GRM7: variants seen among roughly 807,000 people sequenced by gnomAD.
The protein encoded by GRM7 is glutamate metabotropic receptor 7.
Under a neutral mutation model 84.5 loss-of-function variants are expected in GRM7, and 35 were observed. That is an observed-to-expected ratio of 0.41 (90% confidence interval 0.32 to 0.55). GRM7 has a LOEUF of 0.55. GRM7 is among the 20% of genes least tolerant of loss of function. The pLI is 0.19. For missense variants in GRM7, 1,003 were observed against 1,194.6 expected (o/e 0.84, Z 2.36); for synonymous variants, 487 against 455.1 (o/e 1.07, Z -0.89).
chr3:7,133,312 C>T (rs146034689), intron 1 of GRM7, among the ~76,000 whole-genome samples: 491 of 152,346 alleles, frequency 3.2e-3, no homozygotes, highest in Middle Eastern at 0.01. Flanking sequence ...GACAGACCTC[C>T]GGCCCAGTAG....
At chr3:7,675,940 T>A (rs1700104153) in intron 8 of GRM7, among the ~76,000 whole-genome samples, 1 of 152,212 alleles carries the variant, frequency 6.6e-6, no homozygotes, top group Admixed American at 6.5e-5. Flanking sequence ...ATTTTGATTT[T>A]ACAGTTCAGA....
intron 1 of GRM7, among the ~76,000 whole-genome samples, chr3:7,081,147 C>T (rs573460406): frequency 4.6e-5 from 7 of 152,006 alleles, no homozygotes; most frequent in African/African-American, 1.4e-4. Context: ...ACAGGCATAC[C>T]TTGTTTTATT....
intron 1 of GRM7, among the ~76,000 whole-genome samples, chr3:7,002,314 C>T (rs1444346163): frequency 6.6e-6 from 1 of 152,118 alleles, no homozygotes; most frequent in African/African-American, 2.4e-5. Flanking sequence ...TTGGGTTCCT[C>T]TACTAAAAAA....
chr3:7,457,442 T>A (rs1201152273), intron 6 of GRM7, among the ~76,000 whole-genome samples: 1 of 152,210 alleles, frequency 6.6e-6, no homozygotes, highest in Non-Finnish European at 1.5e-5. Flanking sequence ...CCATCAAATA[T>A]AAATTTAAGT....
intron 4 of GRM7, among the ~76,000 whole-genome samples, chr3:7,312,753 T>C (rs1403463135): frequency 3.3e-5 from 5 of 151,722 alleles, no homozygotes; most frequent in African/African-American, 1.2e-4. Flanking sequence ...CATAGAGATA[T>C]TTCCCTCCCT....
At chr3:7,135,057 A>C (rs1693728157) in intron 1 of GRM7, among the ~76,000 whole-genome samples, 1 of 152,168 alleles carries the variant, frequency 6.6e-6, no homozygotes, top group Non-Finnish European at 1.5e-5. Context: ...GAGTTGCAAT[A>C]ATTGATGATA....
At chr3:7,223,292 T>C (rs1332491241) in intron 2 of GRM7, among the ~76,000 whole-genome samples, 1 of 152,136 alleles carries the variant, frequency 6.6e-6, no homozygotes, top group Non-Finnish European at 1.5e-5. Context: ...AATTTGATTG[T>C]ATTTTTTTTG....
At chr3:7,078,822 A>G (rs1698181652) in intron 1 of GRM7, among the ~76,000 whole-genome samples, 1 of 147,690 alleles carries the variant, frequency 6.8e-6, no homozygotes, top group South Asian at 2.1e-4. Context: ...TCCTATTGGC[A>G]TTTTCTGAGT....
chr3:7,459,498 A>G (rs1282603346), intron 6 of GRM7, among the ~76,000 whole-genome samples: 2 of 152,138 alleles, frequency 1.3e-5, no homozygotes, highest in African/African-American at 4.8e-5. Context: ...ATGGACTCAC[A>G]GTTCCATGAG....
At chr3:7,431,374 G>A (rs1696823596) in intron 5 of GRM7, among the ~76,000 whole-genome samples, 2 of 152,044 alleles carry the variant, frequency 1.3e-5, no homozygotes. Flanking sequence ...CTAATTTATA[G>A]TGCTAGATAA....
At chr3:7,371,437 A>G (rs1307397000) in intron 4 of GRM7, among the ~76,000 whole-genome samples, 2 of 152,206 alleles carry the variant, frequency 1.3e-5, no homozygotes, top group Admixed American at 6.5e-5. Context: ...TAATTGTAAT[A>G]GATGGTTTAC....
chr3:7,639,714 T>A (rs1035464639), intron 8 of GRM7, among the ~76,000 whole-genome samples: 3 of 152,156 alleles, frequency 2.0e-5, no homozygotes, highest in Admixed American at 2.0e-4. Flanking sequence ...TACATATAAT[T>A]TTATATATGT....
intron 8 of GRM7, among the ~76,000 whole-genome samples, chr3:7,601,273 C>T (rs899104007): frequency 1.6e-4 from 24 of 152,094 alleles, no homozygotes; most frequent in African/African-American, 5.8e-4. Context: ...TGCATTTTGT[C>T]TTATGCATCC....
chr3:7,586,722 T>C (rs1389805646), intron 8 of GRM7, among the ~76,000 whole-genome samples: 1 of 152,008 alleles, frequency 6.6e-6, no homozygotes, highest in Non-Finnish European at 1.5e-5. Context: ...GCACGAGAAG[T>C]GCTTGAACCC....
At chr3:7,236,542 G>A (rs1697355238) in intron 2 of GRM7, among the ~76,000 whole-genome samples, 2 of 152,158 alleles carry the variant, frequency 1.3e-5, no homozygotes, top group South Asian at 4.1e-4. Flanking sequence ...CAGGCCAATA[G>A]AATGTGGCGG....
intron 1 of GRM7, among the ~76,000 whole-genome samples, chr3:6,988,098 G>A (rs975615053): frequency 4.8e-5 from 7 of 144,686 alleles, no homozygotes; most frequent in African/African-American, 1.6e-4. Flanking sequence ...CTGGGTTCAC[G>A]CCATTCTCCT....
rs138823085 is a variant in GRM7, at chr3:7,000,415, G to C, written c.519+138508G>C. 3.7e-3 allele frequency among the ~76,000 whole-genome samples: 569 copies of C among 152,176 alleles called. 4 individuals are homozygous for C. Among genetic ancestry groups the C allele is most frequent in the African/African-American group, 0.011 (447 of 41,528 alleles). On this transcript the variant is annotated intron_variant, in intron 1 of 9. Transcript: ENST00000357716. ...TTGGCCAGGATGGTCTCGAACTCCT[G>C]ACTTCAGGTGATCCACCTGCCTTGA...
chr3:6,868,959 A>G (rs1313734132), intron 1 of GRM7, among the ~76,000 whole-genome samples: 1 of 152,206 alleles, frequency 6.6e-6, no homozygotes, highest in Non-Finnish European at 1.5e-5. Flanking sequence ...TTCTTGATGG[A>G]AAGTAGCAAG....
chr3:7,723,211 C>T (rs1426171470), intron 9 of GRM7, among the ~76,000 whole-genome samples: 2 of 152,110 alleles, frequency 1.3e-5, no homozygotes, highest in Non-Finnish European at 2.9e-5. Context: ...TTATCATGTC[C>T]AACCTAATTA....
Sources: gnomAD v4.1 joint callset for allele counts (sites outside exome capture counted in the v4.1 genomes callset) on GRCh38, gnomAD v4.1.1 for gene constraint, MANE v1.5 for transcripts, NCBI Gene and HGNC (gene_info 2026-07-23, HGNC 2026-07-21) for gene names.